PDIA6: variants seen among roughly 807,000 people sequenced by gnomAD.
PDIA6 encodes protein disulfide isomerase family A member 6.
In PDIA6, 29 loss-of-function variants were observed where a neutral mutation model predicts 58.4. The ratio of observed to expected loss-of-function variants is 0.50; its 90% CI spans 0.37 to 0.68. PDIA6 has a LOEUF of 0.68. PDIA6 is among the 30% of genes least tolerant of loss of function. The pLI, the probability that PDIA6 is intolerant of heterozygous loss-of-function variation, is 0.00. For synonymous variants in PDIA6, 192 were observed against 202.6 expected, an observed-to-expected ratio of 0.95 and a Z score of 0.44; for missense variants, 480 against 551.0, an observed-to-expected ratio of 0.87 and a Z score of 1.29.
chr2:10,791,319 T>C (rs1666026028), intron 6 of PDIA6, among the ~76,000 whole-genome samples: 1 of 150,194 alleles, frequency 6.7e-6, no homozygotes, highest in South Asian at 2.1e-4. Flanking sequence ...AATTTTTTTG[T>C]ATTTTTAGTA....
intron 4 of PDIA6, among the ~76,000 whole-genome samples, chr2:10,796,405 C>T (rs1666269893): frequency 6.6e-6 from 1 of 151,624 alleles, no homozygotes; most frequent in Non-Finnish European, 1.5e-5. Context: ...AGTGTGGTGC[C>T]TGTAATCCCA....
Position 10,812,741 on chromosome 2 carries a change from C to A in PDIA6, c.-45G>T. 6.9e-7 allele frequency: 1 copy of A among 1,449,184 alleles called. No homozygotes were observed. The highest frequency in any genetic ancestry group is 9.1e-7 in the Non-Finnish European group (1 of 1,101,988). 89.8% of individuals were successfully genotyped at this position (1,449,184 alleles called of 1,614,324 possible). A position where few individuals can be genotyped will look rare whatever the true frequency, so the allele number is the denominator to read the frequency against. On this transcript the variant is annotated 5_prime_UTR_variant, in exon 1 of 13. Coordinates refer to ENST00000272227, the MANE Select transcript of PDIA6 (RefSeq NM_005742.4). ...GCAGTCCCCACCGCCGCCGCCGCTT[C>A]AGCCCTGCAGCGTGCCGCACGCCGC...
chr2:10,825,370 T>A (rs991768838), intron 1 of PDIA6, among the ~76,000 whole-genome samples: 9 of 152,220 alleles, frequency 5.9e-5, no homozygotes, highest in South Asian at 4.1e-4. Flanking sequence ...ATCTTAAAAT[T>A]CTTTTTCCAC....
At chr2:10,837,212 C>T (rs193202566), upstream of PDIA6, among the ~76,000 whole-genome samples, 792 of 152,290 alleles carry the variant, frequency 5.2e-3, 9 homozygotes, top group Middle Eastern at 0.014. Flanking sequence ...GTGTGCTGCT[C>T]CCATGGCGGC....
chr2:10,821,768 G>A (rs1415984217), intron 1 of PDIA6, among the ~76,000 whole-genome samples: 4 of 151,836 alleles, frequency 2.6e-5, no homozygotes, highest in African/African-American at 7.3e-5. Context: ...GTGACCACAG[G>A]CACATGCTGC....
At chr2:10,791,150 CT>C (rs11347142) in intron 6 of PDIA6, among the ~76,000 whole-genome samples, 73,110 of 148,738 alleles carry the variant, frequency 0.49, 19,281 homozygotes, top group Middle Eastern at 0.59. Context: ...CTTTTCTTTT[CT>C]TTTTTTTTTT....
At chr2:10,803,592 C>T (rs1288662675) in intron 1 of PDIA6, among the ~76,000 whole-genome samples, 1 of 152,346 alleles carries the variant, frequency 6.6e-6, no homozygotes, top group East Asian at 1.9e-4. Context: ...AGTTCTGCCA[C>T]ATTGTGGATC....
At chr2:10,812,367 G>A (rs1365007647) in intron 1 of PDIA6, among the ~76,000 whole-genome samples, 9 of 151,922 alleles carry the variant, frequency 5.9e-5, no homozygotes, top group African/African-American at 1.7e-4. Context: ...CCCCCTCCCC[G>A]GGATCCGGCC....
chr2:10,800,003 GTCTT>G (rs1666437105), intron 2 of PDIA6, among the ~76,000 whole-genome samples: 1 of 151,754 alleles, frequency 6.6e-6, no homozygotes, highest in Admixed American at 6.6e-5. Flanking sequence ...TGAAAAAAAA[GTCTT>G]TATTTTCACT....
chr2:10,806,628 C>CAAAGAAAGAAAGAA lies in PDIA6; in HGVS notation c.20-3989_20-3988insTTCTTTCTTTCTTT, dbSNP rs142782761. 2.2e-3 allele frequency among the ~76,000 whole-genome samples: 156 copies of CAAAGAAAGAAAGAA among 70,260 alleles called. 17 individuals are homozygous for CAAAGAAAGAAAGAA. The highest frequency in any genetic ancestry group is 0.014 in the South Asian group (27 of 1,906). 46.1% of individuals were successfully genotyped at this position (70,260 alleles called of 152,430 possible). A position where few individuals can be genotyped will look rare whatever the true frequency, so the allele number is the denominator to read the frequency against. On this transcript the variant is annotated intron_variant, in intron 1 of 12. Transcript: ENST00000272227. Reference sequence around the variant, plus strand: ...AACCACATCTCCTAAAAAATAAAGACAGAAAGAAAGAAAGAAAGAAAAACG... The same window carrying CAAAGAAAGAAAGAA: ...AACCACATCTCCTAAAAAATAAAGACAAAGAAAGAAAGAAAGAAAGAAAGAAAGAAAGAAAAACG...
intron 2 of PDIA6, among the ~76,000 whole-genome samples, chr2:10,801,978 T>C (rs1157372218): frequency 2.6e-5 from 4 of 152,224 alleles, no homozygotes; most frequent in Non-Finnish European, 5.9e-5. Context: ...CAGCCTCATA[T>C]ACATCTTGCA....
At chr2:10,789,980 ATTTTTT>A (rs199881762) in intron 7 of PDIA6, 91 bp from the exon 8 acceptor site, 401 of 825,704 alleles carry the variant, frequency 4.9e-4, no homozygotes, top group South Asian at 6.3e-4. Context: ...CTTATAGGTA[ATTTTTT>A]TTTTTTTTTT....
upstream of PDIA6, among the ~76,000 whole-genome samples, chr2:10,837,042 C>T (rs897098306): frequency 2.0e-5 from 3 of 152,202 alleles, no homozygotes; most frequent in Non-Finnish European, 2.9e-5. Flanking sequence ...GGAAATCCCA[C>T]GTCTCCTAAA....
rs566312000 is a variant in PDIA6 at position 10,785,573 on chromosome 2, A to G, written c.1158-543T>C. Among the ~76,000 whole-genome samples the G allele has an allele frequency of 5.3e-5, 8 of 152,380 alleles. No homozygotes were observed. In the South Asian group the frequency reaches 1.7e-3, roughly 32 times the overall value. ...ATTTAGAGTTCACCAAACAACTCAT[A>G]GAATAATAGAGCTAGACTAACAATC... On this transcript the variant is annotated intron_variant, in intron 11 of 12. Coordinates refer to ENST00000272227, the MANE Select transcript of PDIA6 (RefSeq NM_005742.4).
At chr2:10,809,448 G>T (rs924303716) in intron 1 of PDIA6, among the ~76,000 whole-genome samples, 1 of 151,928 alleles carries the variant, frequency 6.6e-6, no homozygotes, top group Non-Finnish European at 1.5e-5. Flanking sequence ...AGGATGAGGC[G>T]GGTGGATAAC....
upstream of PDIA6, among the ~76,000 whole-genome samples, chr2:10,835,896 C>T (rs933796850): frequency 6.6e-6 from 1 of 152,128 alleles, no homozygotes; most frequent in African/African-American, 2.4e-5. Context: ...ACTAAAAATA[C>T]AATAATTAGC....
chr2:10,791,309 A>C (rs56264212), intron 6 of PDIA6, among the ~76,000 whole-genome samples: 21,680 of 149,890 alleles, frequency 0.14, 1,987 homozygotes, highest in Non-Finnish European at 0.21. Context: ...ACACCCAGCC[A>C]ATTTTTTTGT....
rs187929195 is a variant in PDIA6 at position 10,787,366 on chromosome 2, C to T, written c.1072G>A (p.Ala358Thr). The change falls in exon 11 of 13, where the codon GCC becomes ACC. Residue 358 changes from alanine to threonine, a missense_variant. Transcript: ENST00000272227. ...ALGIGGFGYP[A>T]MAAINARKMK... Reference sequence around the variant, plus strand: ...TTGCGTGCATTGATGGCGGCCATGGCGGGGTACCCAAACCCTCCAATCCCC... The same window carrying T: ...TTGCGTGCATTGATGGCGGCCATGGTGGGGTACCCAAACCCTCCAATCCCC... The T allele has an allele frequency of 3.1e-5, 50 of 1,614,090 alleles. No individual in the cohort carries two copies. In the Admixed American group the frequency reaches 3.5e-4, roughly 11 times the overall value.
chr2:10,836,635 G>A (rs1667837981), upstream of PDIA6, among the ~76,000 whole-genome samples: 3 of 151,006 alleles, frequency 2.0e-5, no homozygotes, highest in Admixed American at 1.3e-4. Context: ...GTATTCACAA[G>A]TTTGTGTAAC....
Sources: allele counts gnomAD v4.1 joint callset (sites outside exome capture counted in the v4.1 genomes callset), GRCh38; gene constraint gnomAD v4.1.1; transcripts MANE v1.5; gene names NCBI Gene and HGNC (gene_info 2026-07-23, HGNC 2026-07-21).